The following PHF24 variants were observed in gnomAD, a reference collection of about 807,000 sequenced individuals.
The protein encoded by PHF24 is Galpha inhibitory interacting protein.
PHF24 carries 25 observed loss-of-function variants against 42.6 expected under a neutral mutation model. The ratio of observed to expected loss-of-function variants is 0.59; its 90% CI spans 0.43 to 0.82. PHF24 has a LOEUF of 0.82. Ranked by LOEUF, PHF24 falls within the 40% of genes least tolerant of loss-of-function variation. The pLI, the probability that PHF24 is intolerant of heterozygous loss-of-function variation, is 0.00. For missense variants in PHF24, 470 were observed against 538.1 expected (o/e 0.87, Z 1.25); for synonymous variants, 185 against 204.8 (o/e 0.90, Z 0.83).
At chr9:34,682,670 G>T in the PHF24 span, among the ~76,000 whole-genome samples, 20 of 152,236 alleles carry the variant, frequency 1.3e-4, no homozygotes, top group African/African-American at 4.8e-4. Flanking sequence ...GGTAGACTTT[G>T]CTTTCCATCA....
chr9:34,665,955 G>A, the PHF24 span: 2 of 502,420 alleles, frequency 4.0e-6, no homozygotes, highest in South Asian at 4.6e-5. Context: ...CCCTGGGTGA[G>A]GATTTTCAGG....
At chr9:34,678,590 A>G in the PHF24 span, among the ~76,000 whole-genome samples, 79 of 152,004 alleles carry the variant, frequency 5.2e-4, 1 homozygote, top group South Asian at 0.016. Flanking sequence ...CCGCCTAGGC[A>G]TCCCAAAGTG....
the PHF24 span, among the ~76,000 whole-genome samples, chr9:34,908,468 T>C: frequency 6.6e-6 from 1 of 152,088 alleles, no homozygotes; most frequent in Non-Finnish European, 1.5e-5. Context: ...TGTTAGATGG[T>C]GATAAGTGCA....
the PHF24 span, chr9:34,918,430 G>T: frequency 1.9e-6 from 1 of 522,884 alleles, no homozygotes; most frequent in Non-Finnish European, 3.5e-6. Context: ...AAAATCATGG[G>T]GAATTTTTCC....
At chr9:34,757,192 T>C in the PHF24 span, among the ~76,000 whole-genome samples, 3 of 152,084 alleles carry the variant, frequency 2.0e-5, no homozygotes, top group Admixed American at 2.0e-4. Context: ...TGTGAGCCAC[T>C]GCACCCTGCC....
the PHF24 span, among the ~76,000 whole-genome samples, chr9:34,933,466 T>TGTAATCCCAGCACTTTGGGAGGCC: frequency 6.6e-6 from 1 of 152,114 alleles, no homozygotes; most frequent in Non-Finnish European, 1.5e-5. Context: ...GGCTCATGCC[T>TGTAATCCCAGCACTTTGGGAGGCC]GTAATCCCAG....
At chr9:34,726,047 G>T in the PHF24 span, 1 of 1,523,080 alleles carries the variant, frequency 6.6e-7, no homozygotes, top group African/African-American at 1.4e-5. Context: ...AGAGGGCAAG[G>T]CTAGAGCCAT....
chr9:34,692,154 G>C, the PHF24 span, among the ~76,000 whole-genome samples: 1 of 152,132 alleles, frequency 6.6e-6, no homozygotes, highest in African/African-American at 2.4e-5. Context: ...CCAGTCACCC[G>C]TCGTCACCCA....
At chr9:34,765,260 A>G in the PHF24 span, among the ~76,000 whole-genome samples, 1 of 151,746 alleles carries the variant, frequency 6.6e-6, no homozygotes, top group East Asian at 1.9e-4. Flanking sequence ...ATCCTTGTTA[A>G]CTTTCTGTCC....
exon 5 of PHF24, chr9:34,976,701 C>T: frequency 1.2e-6 from 2 of 1,614,094 alleles, no homozygotes; most frequent in Non-Finnish European, 1.7e-6. Context: ...ACTTCTTGTC[C>T]CATGAGTCCC....
chr9:34,891,418 G>A, the PHF24 span, among the ~76,000 whole-genome samples: 1 of 152,136 alleles, frequency 6.6e-6, no homozygotes, highest in Non-Finnish European at 1.5e-5. Flanking sequence ...ACATTACCTT[G>A]GCCTGAGGAA....
At chr9:34,728,649 G>A in the PHF24 span, 1 of 1,551,416 alleles carries the variant, frequency 6.4e-7, no homozygotes, top group South Asian at 1.2e-5. Context: ...TGACTTTTTG[G>A]TGACACTTAG....
chr9:34,877,392 T>G, the PHF24 span, among the ~76,000 whole-genome samples: 1 of 152,218 alleles, frequency 6.6e-6, no homozygotes, highest in African/African-American at 2.4e-5. Context: ...ATTGTATGAT[T>G]TCACTTATAT....
the PHF24 span, among the ~76,000 whole-genome samples, chr9:34,927,108 G>T: frequency 6.6e-6 from 1 of 152,172 alleles, no homozygotes; most frequent in Non-Finnish European, 1.5e-5. Context: ...TCTCTCTCTT[G>T]TGGGAGGGTG....
At chr9:34,680,680 T>C in the PHF24 span, among the ~76,000 whole-genome samples, 1 of 122,686 alleles carries the variant, frequency 8.2e-6, no homozygotes, top group Non-Finnish European at 1.7e-5. Context: ...AGAGCGAGAC[T>C]CCGTCTCAAA....
the PHF24 span, among the ~76,000 whole-genome samples, chr9:34,778,569 T>C: frequency 5.9e-3 from 902 of 152,236 alleles, 9 homozygotes; most frequent in African/African-American, 0.021. Flanking sequence ...CTCAGGAAGA[T>C]GTAACACATA....
At chr9:34,814,087 C>T in the PHF24 span, among the ~76,000 whole-genome samples, 1 of 152,192 alleles carries the variant, frequency 6.6e-6, no homozygotes, top group African/African-American at 2.4e-5. Context: ...TTCTATCTCT[C>T]TTTTCTTCCT....
the PHF24 span, among the ~76,000 whole-genome samples, chr9:34,765,217 C>T: frequency 1.5e-4 from 23 of 152,106 alleles, no homozygotes; most frequent in Middle Eastern, 3.4e-3. Context: ...CTATTAAGTC[C>T]GCTTGGTGCA....
At chr9:34,804,318 T>C in the PHF24 span, among the ~76,000 whole-genome samples, 4 of 152,144 alleles carry the variant, frequency 2.6e-5, no homozygotes, top group Non-Finnish European at 5.9e-5. Flanking sequence ...AGTCTGTTTT[T>C]CCAAACTAAC....
Sources: allele counts gnomAD v4.1 joint callset (sites outside exome capture counted in the v4.1 genomes callset), GRCh38; gene constraint gnomAD v4.1.1; transcripts MANE v1.5; gene names NCBI Gene and HGNC (gene_info 2026-07-23, HGNC 2026-07-21).